Variants in WASF2 observed in about 807,000 individuals in gnomAD.
WASF2 encodes the protein WASP family member 2.
In WASF2, 14 loss-of-function variants were observed where a neutral mutation model predicts 45.0. The observed-to-expected ratio is 0.31, with a 90% CI of 0.21 to 0.49. The LOEUF (loss-of-function observed/expected upper bound fraction) is 0.49, where lower values mean the gene tolerates loss of function less well. WASF2 is among the 20% of genes least tolerant of loss of function. The pLI is 0.99. For missense variants in WASF2, 439 were observed against 636.1 expected, an observed-to-expected ratio of 0.69 and a Z score of 3.33; for synonymous variants, 200 against 236.3, an observed-to-expected ratio of 0.85 and a Z score of 1.41.
rs752426844 is a variant in WASF2 at position 27,418,253 on chromosome 1, A to G, written c.419+16T>C. 6.2e-7 allele frequency: 1 copy of G among 1,607,690 alleles called. No homozygotes were observed. Among genetic ancestry groups the G allele is most frequent in the Admixed American group, 1.7e-5 (1 of 58,572 alleles). On this transcript the variant is annotated intron_variant, in intron 4 of 8. Coordinates refer to ENST00000618852, the MANE Select transcript of WASF2 (RefSeq NM_006990.5). ...AAACCATAGGTTGAAAAAGGGAGGA[A>G]CTAGCCAGCCATTACCTGTAAGGGG... is the stretch of plus-strand genomic sequence containing the variant.
chr1:27,466,981 G>C (rs972233133), intron 1 of WASF2, among the ~76,000 whole-genome samples: 2 of 151,884 alleles, frequency 1.3e-5, no homozygotes, highest in East Asian at 3.9e-4. Context: ...TTGGGAGACC[G>C]GGGCAGGCAG....
At chr1:27,478,701 G>C in intron 1 of WASF2, among the ~76,000 whole-genome samples, 1 of 152,218 alleles carries the variant, frequency 6.6e-6, no homozygotes, top group East Asian at 1.9e-4. Flanking sequence ...TCCTGCCTCA[G>C]CCTCCAGAGT....
chr1:27,456,696 G>C (rs907718074), intron 1 of WASF2, among the ~76,000 whole-genome samples: 1 of 150,120 alleles, frequency 6.7e-6, no homozygotes, highest in African/African-American at 2.4e-5. Flanking sequence ...AAGAAGTTAA[G>C]TAAAACTTCC....
At chr1:27,456,888 C>T (rs1251138065) in intron 1 of WASF2, among the ~76,000 whole-genome samples, 2 of 151,872 alleles carry the variant, frequency 1.3e-5, no homozygotes, top group Non-Finnish European at 2.9e-5. Flanking sequence ...GGCGTCCGTC[C>T]GCCGCCACGC....
intron 1 of WASF2, among the ~76,000 whole-genome samples, chr1:27,473,148 A>T (rs2017715742): frequency 1.3e-5 from 2 of 152,160 alleles, no homozygotes; most frequent in South Asian, 4.1e-4. Flanking sequence ...CAAATAACCC[A>T]ATTTTAAAAG....
rs773348095 is a variant in WASF2 at position 27,419,003 on chromosome 1, G to A, written c.216C>T (p.Val72=). ...GAGTGACTTTAACCTGTAGTCGGTC[G>A]ACCCTCTCAGCAAGGGAGCTTACCC... ...ASRVSSLAER[V]DRLQVKVTQL... The change falls in exon 3 of 9, where the codon GTC becomes GTT. Residue 72 remains valine (V), a synonymous_variant. Transcript: ENST00000618852. The A allele has an allele frequency of 6.2e-6, 10 of 1,613,766 alleles. No homozygotes were observed. Among genetic ancestry groups the A allele is most frequent in the South Asian group, 2.2e-5 (2 of 91,078 alleles).
intron 1 of WASF2, among the ~76,000 whole-genome samples, chr1:27,445,106 G>A (rs1323659291): frequency 6.6e-6 from 1 of 152,200 alleles, no homozygotes; most frequent in Non-Finnish European, 1.5e-5. Flanking sequence ...AGTAGCAACA[G>A]CAACTATCTG....
chr1:27,469,488 C>T (rs1253701966), intron 1 of WASF2, among the ~76,000 whole-genome samples: 1 of 152,122 alleles, frequency 6.6e-6, no homozygotes, highest in African/African-American at 2.4e-5. Flanking sequence ...GGACACACTA[C>T]AACATTATCA....
rs551944963 is a variant in WASF2 at position 27,461,608 on chromosome 1, G to A, written c.-44+28378C>T. 4.9e-4 allele frequency among the ~76,000 whole-genome samples: 74 copies of A among 151,308 alleles called. No homozygotes were observed. The East Asian group carries it at 5.5e-3, about 11-fold the overall frequency. On this transcript the variant is annotated intron_variant, in intron 1 of 8. Transcript: ENST00000618852. ...CTCCCGAGCAGCTGGGACTACAGGC[G>A]CCCGCCACCACGCCCAGCTAATTTT... is the stretch of plus-strand genomic sequence containing the variant.
In WASF2 at chr1:27,405,643, A is replaced by G. The variant is rs1024704456; in HGVS notation, c.*2546T>C. ...TTTTTTTTTTTTTTGGTGCATATGC[A>G]TAAGTGGAGCCCAGAGGGCCTCTCG... On this transcript the variant is annotated 3_prime_UTR_variant, in exon 9 of 9. Transcript: ENST00000618852. 8.9e-6 allele frequency: 1 copy of G among 112,808 alleles called. No individual in the cohort carries two copies. Among genetic ancestry groups the G allele is most frequent in the Non-Finnish European group, 1.6e-5 (1 of 60,876 alleles). The allele number at this position is 112,808 out of a possible 1,614,324, so 7.0% of individuals were successfully genotyped here. A position where few individuals can be genotyped will look rare whatever the true frequency, so the allele number is the denominator to read the frequency against.
chr1:27,436,617 G>A (rs1225202059), intron 1 of WASF2, among the ~76,000 whole-genome samples: 1 of 152,164 alleles, frequency 6.6e-6, no homozygotes, highest in African/African-American at 2.4e-5. Context: ...TGAATTTACT[G>A]TTGCATATAG....
At chr1:27,409,005 T>C (rs964821632) in intron 8 of WASF2, among the ~76,000 whole-genome samples, 2 of 151,976 alleles carry the variant, frequency 1.3e-5, no homozygotes, top group African/African-American at 4.8e-5. Flanking sequence ...TCTTGTTTTT[T>C]TTCGAAGGCA....
At chr1:27,473,255 C>A (rs1457896583) in intron 1 of WASF2, among the ~76,000 whole-genome samples, 2 of 151,494 alleles carry the variant, frequency 1.3e-5, no homozygotes, top group Non-Finnish European at 2.9e-5. Context: ...CCGAGGCGGG[C>A]GGATCACGAG....
intron 1 of WASF2, among the ~76,000 whole-genome samples, chr1:27,486,198 A>C (rs1196395198): frequency 6.6e-6 from 1 of 152,232 alleles, no homozygotes; most frequent in Non-Finnish European, 1.5e-5. Flanking sequence ...CTACAGAAAT[A>C]ATAAAATACA....
At chr1:27,425,820 C>G (rs1408794804) in intron 2 of WASF2, among the ~76,000 whole-genome samples, 3 of 115,004 alleles carry the variant, frequency 2.6e-5, no homozygotes, top group African/African-American at 6.9e-5. Context: ...GCCTGGGCAA[C>G]AGAGTGAGAC....
chr1:27,468,963 C>T (rs1252360849), intron 1 of WASF2, among the ~76,000 whole-genome samples: 2 of 148,716 alleles, frequency 1.3e-5, no homozygotes. Context: ...GCTATGTAAA[C>T]CAAATCAATG....
chr1:27,446,855 T>C (rs2017316899), intron 1 of WASF2, among the ~76,000 whole-genome samples: 1 of 152,116 alleles, frequency 6.6e-6, no homozygotes. Flanking sequence ...ATTGCTATTC[T>C]GTTACTATCA....
At chr1:27,448,012 A>G (rs958211568) in intron 1 of WASF2, among the ~76,000 whole-genome samples, 1 of 152,196 alleles carries the variant, frequency 6.6e-6, no homozygotes, top group Admixed American at 6.5e-5. Flanking sequence ...TATTTGGTGA[A>G]CCTGTTCTGC....
Position 27,412,685 on chromosome 1 carries a change from AC to A in WASF2, c.710del (p.Cys237LeufsTer70). 1 of 1,614,194 alleles carries A rather than the reference AC, an allele frequency of 6.2e-7. No homozygotes were observed. Among genetic ancestry groups the A allele is most frequent in the Non-Finnish European group, 8.5e-7 (1 of 1,180,018 alleles). Reference sequence around the variant, plus strand: ...AGCTACTTGCATCCACGTTTTCAACACAGCCAATGCTGCCATTCTGGTACAC... The same window carrying A: ...AGCTACTTGCATCCACGTTTTCAACAAGCCAATGCTGCCATTCTGGTACAC... ...TLVYQNGSIG[C>X]VENVDASSYP... On this transcript the variant is annotated frameshift_variant, in exon 7 of 9. Coordinates refer to ENST00000618852, the MANE Select transcript of WASF2 (RefSeq NM_006990.5). LOFTEE classifies it high-confidence loss of function.
Sources: gnomAD v4.1 joint callset for allele counts (sites outside exome capture counted in the v4.1 genomes callset) on GRCh38, gnomAD v4.1.1 for gene constraint, MANE v1.5 for transcripts, NCBI Gene and HGNC (gene_info 2026-07-23, HGNC 2026-07-21) for gene names.